NPR3: variants seen among roughly 807,000 people sequenced by gnomAD.
NPR3 encodes the protein atrial natriuretic peptide receptor 3.
NPR3 carries 34 observed loss-of-function variants against 54.5 expected under a neutral mutation model. That is an observed-to-expected ratio of 0.62 (90% CI 0.47 to 0.83). NPR3 has a LOEUF of 0.83. Ranked by LOEUF, NPR3 falls within the 40% of genes least tolerant of loss-of-function variation. The pLI, the probability that NPR3 is intolerant of heterozygous loss-of-function variation, is 0.00. For missense variants in NPR3, 674 were observed against 720.8 expected, an observed-to-expected ratio of 0.94 and a Z score of 0.74; for synonymous variants, 289 against 297.1, an observed-to-expected ratio of 0.97 and a Z score of 0.28.
intron 2 of NPR3, among the ~76,000 whole-genome samples, chr5:32,731,762 G>T (rs1739461227): frequency 6.6e-6 from 1 of 152,128 alleles, no homozygotes; most frequent in South Asian, 2.1e-4. Flanking sequence ...GGTGCATTAG[G>T]AATTGCATCT....
chr5:32,701,936 C>T (rs112110949), intron 1 of NPR3, among the ~76,000 whole-genome samples: 2,648 of 152,328 alleles, frequency 0.017, 82 homozygotes, highest in African/African-American at 0.06. Flanking sequence ...ATAAGTATCT[C>T]TGTTGTGGCC....
chr5:32,782,064 GA>G (rs1460201688), intron 5 of NPR3, among the ~76,000 whole-genome samples: 1 of 152,154 alleles, frequency 6.6e-6, no homozygotes, highest in Non-Finnish European at 1.5e-5. Context: ...ATTTTAACCA[GA>G]AACTGAGGGA....
intron 2 of NPR3, among the ~76,000 whole-genome samples, chr5:32,736,259 A>T (rs1456662961): frequency 6.6e-6 from 1 of 151,288 alleles, no homozygotes; most frequent in African/African-American, 2.4e-5. Context: ...GAAAAAAAAA[A>T]GGAAAACAAA....
At position 32,750,412 on chromosome 5, in the gene NPR3, A is replaced by T. The variant is rs1399792528; in HGVS notation, c.1059+11382A>T. On this transcript the variant is annotated intron_variant, in intron 3 of 7. Transcript: ENST00000265074. ...CAGCCTTCCAAAGTGCTGGGATTAC[A>T]AACGGGAGCCACCCCTCCCGGCTTG... Among the ~76,000 whole-genome samples, 5 of 152,310 alleles carry T rather than the reference A, an allele frequency of 3.3e-5. No homozygotes were observed. In the East Asian group the frequency reaches 7.7e-4, roughly 23 times the overall value.
chr5:32,764,815 A>AAAAAAAAAAAAAAAG (rs1741367585), intron 3 of NPR3, among the ~76,000 whole-genome samples: 2 of 146,780 alleles, frequency 1.4e-5, no homozygotes, highest in African/African-American at 5.1e-5. Context: ...AAAAAAAAAA[A>AAAAAAAAAAAAAAAG]AGAATTTGTC....
upstream of NPR3, among the ~76,000 whole-genome samples, chr5:32,704,772 C>T (rs1459454710): frequency 6.6e-6 from 1 of 152,210 alleles, no homozygotes. Context: ...CTGGCGTTTG[C>T]ACATGGCCCA....
At chr5:32,747,127 C>T (rs1740343942) in intron 3 of NPR3, among the ~76,000 whole-genome samples, 1 of 152,142 alleles carries the variant, frequency 6.6e-6, no homozygotes, top group Non-Finnish European at 1.5e-5. Context: ...TCCCATTTCC[C>T]TAGAGACAAT....
At chr5:32,733,148 G>T (rs1222678921) in intron 2 of NPR3, among the ~76,000 whole-genome samples, 1 of 151,832 alleles carries the variant, frequency 6.6e-6, no homozygotes, top group African/African-American at 2.4e-5. Flanking sequence ...CCCGGCCAAG[G>T]CATCTAATTT....
At chr5:32,726,023 A>G (rs1477907089) in intron 2 of NPR3, among the ~76,000 whole-genome samples, 1 of 152,148 alleles carries the variant, frequency 6.6e-6, no homozygotes, top group Non-Finnish European at 1.5e-5. Context: ...TTTCTCCCCC[A>G]AATGTGGTTA....
chr5:32,731,182 C>T (rs1427528676), intron 2 of NPR3, among the ~76,000 whole-genome samples: 8 of 152,150 alleles, frequency 5.3e-5, no homozygotes, highest in Non-Finnish European at 1.0e-4. Context: ...TTAACACTTC[C>T]TTTCCTATGA....
chr5:32,724,326 G>T (rs1436679941), intron 1 of NPR3, among the ~76,000 whole-genome samples: 1 of 152,124 alleles, frequency 6.6e-6, no homozygotes, highest in African/African-American at 2.4e-5. Context: ...TGTCTTTGTT[G>T]TTCATAAAAT....
chr5:32,759,374 CTT>C (rs1384683010), intron 3 of NPR3, among the ~76,000 whole-genome samples: 1 of 151,238 alleles, frequency 6.6e-6, no homozygotes, highest in Non-Finnish European at 1.5e-5. Flanking sequence ...TTTTTTTTCT[CTT>C]TTGATCTTTG....
intron 2 of NPR3, among the ~76,000 whole-genome samples, chr5:32,737,477 C>A (rs817897): frequency 6.6e-6 from 1 of 152,088 alleles, no homozygotes; most frequent in Non-Finnish European, 1.5e-5. Flanking sequence ...AAGTCCTGGC[C>A]GTATATCCCA....
intron 1 of NPR3, among the ~76,000 whole-genome samples, chr5:32,698,711 T>C (rs1425231130): frequency 1.3e-5 from 2 of 152,160 alleles, no homozygotes; most frequent in South Asian, 2.1e-4. Flanking sequence ...ACTTGACCCC[T>C]TTATCATTAG....
At chr5:32,751,697 C>T (rs919357881) in intron 3 of NPR3, among the ~76,000 whole-genome samples, 1 of 152,074 alleles carries the variant, frequency 6.6e-6, no homozygotes, top group East Asian at 1.9e-4. Flanking sequence ...TTGGGCATTC[C>T]CTCTCTCCCA....
At position 32,784,974 on chromosome 5, in the gene NPR3, C is replaced by T. The variant is rs916227096; in HGVS notation, c.1514+91C>T. 48 of 1,038,464 alleles carry T rather than the reference C, an allele frequency of 4.6e-5. No homozygotes were observed. The African/African-American group carries it at 6.5e-4, about 14-fold the overall frequency. The allele number at this position is 1,038,464 out of a possible 1,614,324, so 64.3% of individuals were successfully genotyped here. A position where few individuals can be genotyped will look rare whatever the true frequency, so the allele number is the denominator to read the frequency against. ...ATTCTCTTTGTGATTTGTCCACATC[C>T]CTCTTTCACCCAGGAAGCACGGTGG... On this transcript the variant is annotated intron_variant, in intron 7 of 7. Coordinates refer to ENST00000265074, the MANE Select transcript of NPR3 (RefSeq NM_001204375.2).
intron 1 of NPR3, among the ~76,000 whole-genome samples, chr5:32,697,407 C>T (rs1036385986): frequency 1.3e-5 from 2 of 150,914 alleles, no homozygotes; most frequent in Non-Finnish European, 1.5e-5. Context: ...GATTTCTGCA[C>T]CAATGTTCGT....
chr5:32,700,311 T>C (rs543253249), intron 1 of NPR3, among the ~76,000 whole-genome samples: 58 of 152,356 alleles, frequency 3.8e-4, no homozygotes, highest in Non-Finnish European at 5.9e-4. Context: ...CTACCTCCTC[T>C]TTAAGGCCAG....
intron 3 of NPR3, among the ~76,000 whole-genome samples, chr5:32,753,862 T>C (rs1162195403): frequency 6.6e-6 from 1 of 152,184 alleles, no homozygotes; most frequent in African/African-American, 2.4e-5. Context: ...ATGAGACATG[T>C]CTTCAGTCAG....
Sources: allele counts gnomAD v4.1 joint callset (sites outside exome capture counted in the v4.1 genomes callset), GRCh38; gene constraint gnomAD v4.1.1; transcripts MANE v1.5; gene names NCBI Gene and HGNC (gene_info 2026-07-23, HGNC 2026-07-21).